Variants in HTT observed in about 807,000 individuals in gnomAD.
The protein encoded by HTT is huntington disease protein.
A neutral mutation model predicts 362.3 loss-of-function variants in HTT; 104 were observed. The ratio of observed to expected loss-of-function variants is 0.29; its 90% CI spans 0.24 to 0.34. The LOEUF is 0.34. Ranked by LOEUF, HTT falls within the 10% of genes least tolerant of loss-of-function variation. The probability of loss-of-function intolerance (pLI) is 1.00; values close to 1 mark genes in which losing one functional copy is unlikely to be tolerated. For synonymous variants in HTT, 1,577 were observed against 1,548.7 expected (o/e 1.02, Z -0.43); for missense variants, 3,301 against 3,928.6 (o/e 0.84, Z 4.27).
intron 6 of HTT, among the ~76,000 whole-genome samples, chr4:3,110,838 A>G (rs1714707957): frequency 6.6e-6 from 1 of 151,800 alleles, no homozygotes; most frequent in South Asian, 2.1e-4. Context: ...TTCTGGGAAA[A>G]TTTTCTTAAC....
chr4:3,222,368 G>T lies in HTT; in HGVS notation c.7370-19G>T, dbSNP rs772818298. ...TTGAGAAGGGTTGACACTCTCTCAT[G>T]TAACATTTATATTTCTAGGCTGGAC... On this transcript the variant is annotated intron_variant, in intron 53 of 66. Transcript: ENST00000355072. 6.2e-7 allele frequency: 1 copy of T among 1,605,342 alleles called. No homozygotes were observed. The highest frequency in any genetic ancestry group is 1.1e-5 in the South Asian group (1 of 90,894).
At chr4:3,095,650 ATTT>A (rs1713820797) in intron 2 of HTT, among the ~76,000 whole-genome samples, 1 of 152,218 alleles carries the variant, frequency 6.6e-6, no homozygotes, top group Non-Finnish European at 1.5e-5. Flanking sequence ...GTTTGTGGTA[ATTT>A]GTTACAGCAG....
intron 1 of HTT, among the ~76,000 whole-genome samples, chr4:3,081,414 T>G (rs142204959): frequency 2.6e-4 from 40 of 152,310 alleles, no homozygotes; most frequent in Non-Finnish European, 5.0e-4. Context: ...TGTCATGAGA[T>G]AGTATTTGAT....
intron 37 of HTT, 74 bp from the exon 38 acceptor site, chr4:3,186,523 T>A: frequency 6.5e-7 from 1 of 1,545,040 alleles, no homozygotes. Flanking sequence ...GCCCTTGAGT[T>A]ACATAGCTGG....
chr4:3,205,561 G>T (rs1016188932), intron 42 of HTT, among the ~76,000 whole-genome samples: 4 of 152,082 alleles, frequency 2.6e-5, no homozygotes, highest in African/African-American at 9.7e-5. Context: ...AGTTAATAAA[G>T]TTTGATCATC....
At chr4:3,118,099 T>C (rs562713533) in intron 8 of HTT, among the ~76,000 whole-genome samples, 147 of 152,362 alleles carry the variant, frequency 9.6e-4, no homozygotes, top group Non-Finnish European at 1.7e-3. Context: ...TGGTCTGATA[T>C]ACTGCTTCCA....
rs3025818 is a variant in HTT at position 3,217,772 on chromosome 4, G to A, written c.7062G>A (p.Lys2354=). ...EEVDPNTQNP[K]YITAACEMVA... ...TAACCGTTGCTTGTTTAGATCCTAA[G>A]TATATCACTGCAGCCTGTGAGATGG... The change falls in exon 52 of 67, where the codon AAG becomes AAA. Residue 2354 remains lysine (K), a synonymous_variant. Transcript: ENST00000355072. 29 of 1,613,378 alleles carry A rather than the reference G, an allele frequency of 1.8e-5. No homozygotes were observed. In the African/African-American group the frequency reaches 2.8e-4, roughly 16 times the overall value.
At chr4:3,131,865 A>G in intron 16 of HTT, 90 bp downstream of exon 16, 3 of 1,285,838 alleles carry the variant, frequency 2.3e-6, no homozygotes, top group Admixed American at 2.0e-5. Flanking sequence ...TTAGAGCAGT[A>G]AGTGTTTTGA....
chr4:3,133,679 G>A (rs1325409854), intron 18 of HTT, among the ~76,000 whole-genome samples: 1 of 152,102 alleles, frequency 6.6e-6, no homozygotes, highest in African/African-American at 2.4e-5. Context: ...CATACCAACT[G>A]GCTCATAAGT....
At chr4:3,095,149 T>G (rs1009821510) in intron 2 of HTT, among the ~76,000 whole-genome samples, 1 of 152,194 alleles carries the variant, frequency 6.6e-6, no homozygotes, top group East Asian at 1.9e-4. Flanking sequence ...GGCCGCAATC[T>G]TGGCACTTTG....
At chr4:3,200,254 A>G (rs1038778462) in intron 41 of HTT, among the ~76,000 whole-genome samples, 4 of 152,214 alleles carry the variant, frequency 2.6e-5, no homozygotes, top group African/African-American at 9.7e-5. Context: ...TCTAGTCCTT[A>G]AATTGGTTCC....
chr4:3,075,650 G>T (rs542809924), intron 1 of HTT, among the ~76,000 whole-genome samples: 4 of 143,384 alleles, frequency 2.8e-5, no homozygotes, highest in Admixed American at 6.8e-5. Context: ...GGCGGGGCAG[G>T]GGGGGGGCGG....
chr4:3,218,283 G>A lies in HTT; in HGVS notation c.7242+331G>A, dbSNP rs362324. Among the ~76,000 whole-genome samples the A allele has an allele frequency of 1.1e-3, 164 of 152,302 alleles. 5 individuals carry two copies. The East Asian group carries it at 0.022, about 21-fold the overall frequency. On this transcript the variant is annotated intron_variant, in intron 52 of 66. Transcript: ENST00000355072. This position sits in a 1 kb window ranked among gnomAD's most constrained non-coding sequence, Gnocchi z 4.4. ...CCTCGAGTGAGTGAGATTTTCCTTT[G>A]GAGATAATTCATGTTTTTCTACACA...
chr4:3,144,982 G>A (rs886099704), intron 23 of HTT, among the ~76,000 whole-genome samples, 170 bp from the exon 24 acceptor site: 31 of 152,196 alleles, frequency 2.0e-4, no homozygotes, highest in Non-Finnish European at 5.9e-5. Context: ...CGTGTTTGAG[G>A]TGTCTAAAGT....
At chr4:3,155,136 C>G (rs1319723116) in intron 27 of HTT, among the ~76,000 whole-genome samples, 2 of 152,008 alleles carry the variant, frequency 1.3e-5, no homozygotes, top group African/African-American at 4.8e-5. Context: ...CACGCTGTCT[C>G]TTGGCACCCA....
chr4:3,075,481 T>G (rs1712474014), intron 1 of HTT, among the ~76,000 whole-genome samples: 3 of 152,232 alleles, frequency 2.0e-5, no homozygotes, highest in African/African-American at 7.2e-5. Flanking sequence ...TGAAGAGAAC[T>G]TGGAGGAGCC....
At chr4:3,199,678 G>T in intron 40 of HTT, 54 bp from the exon 41 acceptor site, 1 of 1,506,762 alleles carries the variant, frequency 6.6e-7, no homozygotes, top group Non-Finnish European at 9.2e-7. Flanking sequence ...GCGTAGCCAT[G>T]TGGCACTGGA....
intron 2 of HTT, among the ~76,000 whole-genome samples, chr4:3,092,006 G>A (rs1713534243): frequency 6.6e-6 from 1 of 152,092 alleles, no homozygotes; most frequent in African/African-American, 2.4e-5. Context: ...AAAGGGGATT[G>A]AAAATTTAAG....
intron 2 of HTT, among the ~76,000 whole-genome samples, chr4:3,094,815 C>T (rs1440043650): frequency 3.4e-5 from 5 of 148,404 alleles, no homozygotes; most frequent in South Asian, 2.2e-4. Context: ...TCAGACGGGG[C>T]GGCTGGTCAG....
Sources: gnomAD v4.1 joint callset for allele counts (sites outside exome capture counted in the v4.1 genomes callset) on GRCh38, gnomAD v4.1.1 for gene constraint, Gnocchi (gnomAD v3.1) non-coding constraint, MANE v1.5 for transcripts, NCBI Gene and HGNC (gene_info 2026-07-23, HGNC 2026-07-21) for gene names.